The following TAFA2 variants were observed in gnomAD, a reference collection of about 807,000 sequenced individuals.
TAFA2 encodes the protein chemokine-like protein TAFA-2.
Under a neutral mutation model 18.8 loss-of-function variants are expected in TAFA2, and 7 were observed. That is an observed-to-expected ratio of 0.37 (90% CI 0.21 to 0.70). The LOEUF (loss-of-function observed/expected upper bound fraction) is 0.70. Among genes scored for constraint, TAFA2 ranks in the 30% least tolerant of loss-of-function variants. TAFA2 has a pLI of 0.53. For missense variants in TAFA2, 122 were observed against 158.1 expected (o/e 0.77, Z 1.23); for synonymous variants, 60 against 54.2 (o/e 1.11, Z -0.47).
chr12:62,106,853 A>G (rs563422096), intron 1 of TAFA2, among the ~76,000 whole-genome samples: 8 of 146,696 alleles, frequency 5.5e-5, no homozygotes, highest in African/African-American at 1.8e-4. Context: ...TTTTACTGCA[A>G]TAGAGCGTTC....
At chr12:61,880,572 G>C (rs980039768) in intron 1 of TAFA2, 6 of 475,412 alleles carry the variant, frequency 1.3e-5, no homozygotes, top group Admixed American at 1.1e-4. Context: ...AAGACCACCA[G>C]TGGCTACGCA....
intron 2 of TAFA2, among the ~76,000 whole-genome samples, chr12:61,757,442 C>A (rs539246191): frequency 6.6e-6 from 1 of 151,846 alleles, no homozygotes; most frequent in Non-Finnish European, 1.5e-5. Flanking sequence ...TCTGTTGGGG[C>A]CATGTTAAGC....
chr12:62,103,839 T>C (rs2136854184), intron 1 of TAFA2, among the ~76,000 whole-genome samples: 1 of 151,874 alleles, frequency 6.6e-6, no homozygotes, highest in Non-Finnish European at 1.5e-5. Context: ...ATACAAATGA[T>C]AAATGAACAA....
At chr12:61,961,382 G>C (rs1456025016) in intron 1 of TAFA2, among the ~76,000 whole-genome samples, 1 of 151,880 alleles carries the variant, frequency 6.6e-6, no homozygotes, top group African/African-American at 2.4e-5. Flanking sequence ...GGTACTATAT[G>C]CCCAAGTCTT....
intron 1 of TAFA2, among the ~76,000 whole-genome samples, chr12:62,083,739 A>T (rs1249727673): frequency 6.6e-6 from 1 of 152,202 alleles, no homozygotes; most frequent in African/African-American, 2.4e-5. Context: ...TTTTGTAGCA[A>T]TGGCTAGCTA....
intron 1 of TAFA2, among the ~76,000 whole-genome samples, chr12:61,991,428 G>A (rs932056429): frequency 1.3e-5 from 2 of 152,098 alleles, no homozygotes; most frequent in Non-Finnish European, 2.9e-5. Context: ...AGGTTTTTAT[G>A]TCATTCCTTA....
At chr12:61,892,301 A>G (rs1875670677) in intron 1 of TAFA2, among the ~76,000 whole-genome samples, 1 of 152,148 alleles carries the variant, frequency 6.6e-6, no homozygotes. Flanking sequence ...GAACATATTA[A>G]GTTTGAGAAG....
chr12:61,810,986 A>T (rs1259720503), intron 2 of TAFA2, among the ~76,000 whole-genome samples: 1 of 149,368 alleles, frequency 6.7e-6, no homozygotes, highest in East Asian at 1.9e-4. Context: ...AGAATTGATG[A>T]TTTTTTTTTT....
chr12:61,960,786 A>AC (rs1280887942), intron 1 of TAFA2, among the ~76,000 whole-genome samples: 36 of 151,678 alleles, frequency 2.4e-4, no homozygotes, highest in African/African-American at 8.0e-4. Flanking sequence ...AAAAAAAAAA[A>AC]AAATCTTCTT....
At chr12:61,796,335 C>A (rs1461988006) in intron 2 of TAFA2, among the ~76,000 whole-genome samples, 1 of 151,756 alleles carries the variant, frequency 6.6e-6, no homozygotes, top group Non-Finnish European at 1.5e-5. Flanking sequence ...AATATAATAC[C>A]ACTGAGAAAT....
intron 2 of TAFA2, among the ~76,000 whole-genome samples, chr12:61,783,294 C>T (rs748557136): frequency 2.6e-5 from 4 of 151,668 alleles, no homozygotes; most frequent in Non-Finnish European, 5.9e-5. Context: ...TTGAATAATG[C>T]TTCCTTGTTT....
At chr12:61,853,375 A>C (rs1247148367) in intron 2 of TAFA2, among the ~76,000 whole-genome samples, 1 of 152,184 alleles carries the variant, frequency 6.6e-6, no homozygotes, top group Non-Finnish European at 1.5e-5. Context: ...AATAAGACAG[A>C]GAGTGACAAG....
At chr12:61,989,699 A>G (rs971388708) in intron 1 of TAFA2, among the ~76,000 whole-genome samples, 1 of 152,164 alleles carries the variant, frequency 6.6e-6, no homozygotes, top group South Asian at 2.1e-4. Context: ...CAAGCTTCCA[A>G]TCATTTGAAG....
At chr12:61,760,097 C>T (rs1446959245) in intron 2 of TAFA2, among the ~76,000 whole-genome samples, 2 of 136,356 alleles carry the variant, frequency 1.5e-5, no homozygotes, top group Non-Finnish European at 1.6e-5. Context: ...TTTTTCACTG[C>T]CTATGAACAA....
rs1421506933 is a variant in TAFA2, at chr12:61,997,606, T to C, written c.-1-130180A>G. The stretch of plus-strand genomic sequence containing the variant: ...TTGGATTTACATTTCTGTAAGATGA[T>C]TCTAGCTATTATATGACAAATTCAC... On this transcript the variant is annotated intron_variant, in intron 1 of 4. Transcript: ENST00000416284. 6.6e-5 allele frequency among the ~76,000 whole-genome samples: 10 copies of C among 152,146 alleles called. No homozygotes were observed. The South Asian group carries it at 2.1e-3, about 32-fold the overall frequency.
chr12:62,232,708 C>T (rs1038144037), intron 1 of TAFA2, among the ~76,000 whole-genome samples: 1 of 152,108 alleles, frequency 6.6e-6, no homozygotes, highest in Admixed American at 6.5e-5. Context: ...GATAGGGTTT[C>T]ACCATGATGG....
At chr12:62,226,655 T>C (rs2062788260) in intron 1 of TAFA2, among the ~76,000 whole-genome samples, 1 of 152,198 alleles carries the variant, frequency 6.6e-6, no homozygotes, top group African/African-American at 2.4e-5. Context: ...AGAGAAAGTT[T>C]ACCCCACTTT....
intron 1 of TAFA2, among the ~76,000 whole-genome samples, chr12:62,143,767 G>T (rs1395280794): frequency 2.0e-5 from 3 of 152,032 alleles, no homozygotes; most frequent in Non-Finnish European, 4.4e-5. Context: ...ATTCGGCAGG[G>T]TGTGGTGGCT....
intron 1 of TAFA2, among the ~76,000 whole-genome samples, chr12:61,963,116 A>G (rs1003959901): frequency 2.6e-5 from 4 of 151,826 alleles, no homozygotes; most frequent in Non-Finnish European, 4.4e-5. Context: ...TTCTTTATCC[A>G]GTCTATCATT....
Sources: allele counts gnomAD v4.1 joint callset (sites outside exome capture counted in the v4.1 genomes callset), GRCh38; gene constraint gnomAD v4.1.1; transcripts MANE v1.5; gene names NCBI Gene and HGNC (gene_info 2026-07-23, HGNC 2026-07-21).